The following TERT variants were observed in gnomAD, a reference collection of about 807,000 sequenced individuals.
TERT encodes telomerase reverse transcriptase.
TERT carries 42 observed loss-of-function variants against 104.0 expected under a neutral mutation model. That is an observed-to-expected ratio of 0.40 (90% CI 0.32 to 0.52). The LOEUF (loss-of-function observed/expected upper bound fraction) is 0.52. TERT is among the 20% of genes least tolerant of loss of function. The pLI is 0.43. For missense variants in TERT, 1,101 were observed against 1,610.3 expected, an observed-to-expected ratio of 0.68 and a Z score of 5.41; for synonymous variants, 781 against 725.6, an observed-to-expected ratio of 1.08 and a Z score of -1.23.
chr5:1,291,941 T>C (rs1751018504), intron 2 of TERT, among the ~76,000 whole-genome samples: 1 of 152,146 alleles, frequency 6.6e-6, no homozygotes, highest in African/African-American at 2.4e-5. Flanking sequence ...CTCGGCGTGG[T>C]CCACCTGAGC....
chr5:1,283,543 C>T (rs1359656085), intron 2 of TERT, among the ~76,000 whole-genome samples: 2 of 150,786 alleles, frequency 1.3e-5, no homozygotes, highest in South Asian at 2.1e-4. Context: ...TCACCCCGGA[C>T]CTGCACCATC....
At chr5:1,281,164 C>T (rs1189222591) in intron 3 of TERT, among the ~76,000 whole-genome samples, 1 of 152,272 alleles carries the variant, frequency 6.6e-6, no homozygotes, top group African/African-American at 2.4e-5. Flanking sequence ...TTCCAAAATA[C>T]TGGTCAAATG....
Position 1,264,368 on chromosome 5 carries a change from C to T in TERT, c.2843+36G>A, listed in dbSNP as rs34458182. 2.4e-4 allele frequency: 382 copies of T among 1,586,758 alleles called. 1 individual carries two copies. The African/African-American group carries it at 3.4e-3, about 14-fold the overall frequency. On this transcript the variant is annotated intron_variant, in intron 11 of 15. Transcript: ENST00000310581. ...GCCCTGCAGCAGCACCTGCCCCAGC[C>T]GGGCACAGGCTCCACTTCCGGCCAG...
rs1751171784 is a variant in TERT, at chr5:1,293,875, G to A, written c.1011C>T (p.Asp337=). The A allele has an allele frequency of 6.5e-7, 1 of 1,544,262 alleles. No individual in the cohort carries two copies. The highest frequency in any genetic ancestry group is 8.7e-7 in the Non-Finnish European group (1 of 1,146,974). The change falls in exon 2 of 16, where the codon GAC becomes GAT. Residue 337 remains aspartate (D), a synonymous_variant. Transcript: ENST00000310581. ...ETKHFLYSSG[D]KEQLRPSFLL... is the part of the protein sequence containing the mutation. Reference sequence around the variant, plus strand: ...GGAAGGAGGGCCGCAGCTGCTCCTTGTCGCCTGAGGAGTAGAGGAAGTGCT... The same window carrying A: ...GGAAGGAGGGCCGCAGCTGCTCCTTATCGCCTGAGGAGTAGAGGAAGTGCT...
In TERT at chr5:1,268,131, T is replaced by C. The variant is rs1748749048; in HGVS notation, c.2582+389A>G. Among the ~76,000 whole-genome samples, 1 of 152,266 alleles carries C rather than the reference T, an allele frequency of 6.6e-6. No individual in the cohort carries two copies. The highest frequency in any genetic ancestry group is 1.5e-5 in the Non-Finnish European group (1 of 68,042). On this transcript the variant is annotated intron_variant, in intron 9 of 15. Coordinates refer to ENST00000310581, the MANE Select transcript of TERT (RefSeq NM_198253.3). This position sits in a 1 kb window ranked among gnomAD's most constrained non-coding sequence, Gnocchi z 5.5. The stretch of plus-strand genomic sequence containing the variant: ...GAAGAGGCGCCCAGTCCAGGCCACC[T>C]GTCGAGGGCCTGCTGGGAGATGTGG...
Position 1,271,131 on chromosome 5 carries a change from C to T in TERT, c.2456G>A (p.Arg819His), listed in dbSNP as rs1343662571. The change falls in exon 8 of 16, where the codon CGC becomes CAC. Residue 819 changes from arginine to histidine, a missense_variant. Around this residue, in one of 5 missense-constraint regions of TERT, gnomAD observed 463 missense variants for 797.5 expected, o/e 0.58. Transcript: ENST00000310581. Reference sequence around the variant, plus strand: ...CCACCTGACTCACTTGCCCCTGATGCGCACGGCGTGGTGGCACATGAAGCG... The same window carrying T: ...CCACCTGACTCACTTGCCCCTGATGTGCACGGCGTGGTGGCACATGAAGCG... The part of the protein sequence containing the change: ...FLRFMCHHAV[R>H]IRGKSYVQCQ... The T allele has an allele frequency of 6.8e-6, 11 of 1,612,910 alleles. No individual in the cohort carries two copies. Among genetic ancestry groups the T allele is most frequent in the African/African-American group, 1.3e-5 (1 of 75,060 alleles).
Position 1,258,634 on chromosome 5 carries a change from G to T in TERT, c.2996C>A (p.Thr999Asn). 1.3e-6 allele frequency: 2 copies of T among 1,571,974 alleles called. No individual in the cohort carries two copies. The highest frequency in any genetic ancestry group is 1.7e-6 in the Non-Finnish European group (2 of 1,157,672). Residue 999 changes from threonine (T) to asparagine (N), a missense_variant, in exon 13 of 16, where the codon ACC (threonine) becomes AAC (asparagine). Transcript: ENST00000310581. ...LQVNSLQTVC[T>N]NIYKILLLQA... The stretch of plus-strand genomic sequence containing the variant: ...CAGCAGGAGGATCTTGTAGATGTTG[G>T]TGCACACCGTCTGGAGGCTGTTCAC...
Position 1,268,175 on chromosome 5 carries a change from C to T in TERT, c.2582+345G>A, listed in dbSNP as rs1212202780. On this transcript the variant is annotated intron_variant, in intron 9 of 15. Transcript: ENST00000310581. This position sits in a 1 kb window ranked among gnomAD's most constrained non-coding sequence, Gnocchi z 5.5. ...GATGTGGGGCCTCAGGCTGCACCAG[C>T]CCCATCTCCCCAAGGACCCTAACGG... Among the ~76,000 whole-genome samples the T allele has an allele frequency of 1.3e-5, 2 of 152,226 alleles. No individual in the cohort carries two copies. The highest frequency in any genetic ancestry group is 4.8e-5 in the African/African-American group (2 of 41,462).
At position 1,287,371 on chromosome 5, in the gene TERT, G is replaced by A. The variant is rs988129950; in HGVS notation, c.1574-4747C>T. 2.4e-4 allele frequency among the ~76,000 whole-genome samples: 36 copies of A among 151,904 alleles called. No homozygotes were observed. The highest frequency in any genetic ancestry group is 3.4e-3 in the Middle Eastern group (1 of 294). On this transcript the variant is annotated intron_variant, in intron 2 of 15. Coordinates refer to ENST00000310581, the MANE Select transcript of TERT (RefSeq NM_198253.3). This position sits in a 1 kb window ranked among gnomAD's most constrained non-coding sequence, Gnocchi z 4.3. ...AAAAATTAGCCAGGTGTAGCGGTGC[G>A]TGTCTGCAGTTCCAGCTATTCAGGA...
chr5:1,267,060 C>T (rs1393206868), intron 9 of TERT, among the ~76,000 whole-genome samples: 4 of 152,240 alleles, frequency 2.6e-5, no homozygotes, highest in African/African-American at 9.6e-5. Flanking sequence ...CAGTGTGCCG[C>T]CAGCTCGAGG....
Position 1,294,019 on chromosome 5 carries a change from G to A in TERT, c.867C>T (p.Leu289=), listed in dbSNP as rs771194908. The A allele has an allele frequency of 1.2e-5, 19 of 1,593,268 alleles. No homozygotes were observed. Among genetic ancestry groups the A allele is most frequent in the Non-Finnish European group, 1.5e-5 (17 of 1,172,258 alleles). ...ATGGGTGGGAGTGGCGCGTGCCAGA[G>A]AGCGCACCCTCCAAAGAGGTGGCTT... is the stretch of plus-strand genomic sequence containing the variant. ...AEEATSLEGA[L]SGTRHSHPSV... Residue 289 remains leucine, a synonymous_variant, in exon 2 of 16, where the codon CTC becomes CTT. Transcript: ENST00000310581.
At chr5:1,272,086 C>T in intron 7 of TERT, 99 bp downstream of exon 7, 2 of 1,060,170 alleles carry the variant, frequency 1.9e-6, no homozygotes, top group Non-Finnish European at 2.9e-6. Context: ...CCACTGCCCC[C>T]CAGGGCCAAC....
In TERT at chr5:1,262,670, C is replaced by G. The variant is rs1267451916; in HGVS notation, c.2843+1734G>C. On this transcript the variant is annotated intron_variant, in intron 11 of 15. Coordinates refer to ENST00000310581, the MANE Select transcript of TERT (RefSeq NM_198253.3). The surrounding 1 kb of genome is among the most constrained non-coding windows in gnomAD (Gnocchi z 5.6). Reference sequence around the variant, plus strand: ...TGGACCCACATCTGATGACCTGATGCCCACCCATCCTGCACTAGCCTCTGT... The same window carrying G: ...TGGACCCACATCTGATGACCTGATGGCCACCCATCCTGCACTAGCCTCTGT... Among the ~76,000 whole-genome samples, 1 of 152,236 alleles carries G rather than the reference C, an allele frequency of 6.6e-6. No individual in the cohort carries two copies. The highest frequency in any genetic ancestry group is 1.5e-5 in the Non-Finnish European group (1 of 68,042).
In TERT at chr5:1,260,458, CCAT is replaced by C; in HGVS notation, c.2970+13_2970+15del. The stretch of plus-strand genomic sequence containing the variant: ...TCCTGAACTCTGAACTCTGTGCTGA[CCAT>C]CAGCCTGCTCACCTGCAAATCCAGA... On this transcript the variant is annotated intron_variant, in intron 12 of 15. Coordinates refer to ENST00000310581, the MANE Select transcript of TERT (RefSeq NM_198253.3). 6.2e-7 allele frequency: 1 copy of C among 1,613,780 alleles called. No homozygotes were observed. The highest frequency in any genetic ancestry group is 8.5e-7 in the Non-Finnish European group (1 of 1,179,922).
Position 1,295,046 on chromosome 5 carries a change from T to G in TERT, c.-57A>C, listed in dbSNP as rs878855297. The G allele has an allele frequency of 3.7e-5, 43 of 1,165,730 alleles. No individual in the cohort carries two copies. Among genetic ancestry groups the G allele is most frequent in the East Asian group, 6.4e-5 (2 of 31,326 alleles). 72.2% of individuals were successfully genotyped at this position (1,165,730 alleles called of 1,614,324 possible). ...GTGCGCAGCAGGACGCAGCGCTGCCTGAAACTCGCGCCGCGAGGAGAGGGC... is the reference window on the plus strand; with the variant it reads ...GTGCGCAGCAGGACGCAGCGCTGCCGGAAACTCGCGCCGCGAGGAGAGGGC... On this transcript the variant is annotated 5_prime_UTR_variant, in exon 1 of 16. Coordinates refer to ENST00000310581, the MANE Select transcript of TERT (RefSeq NM_198253.3).
intron 4 of TERT, 122 bp from the exon 5 acceptor site, chr5:1,279,592 C>T: frequency 3.1e-6 from 3 of 970,348 alleles, no homozygotes; most frequent in South Asian, 2.8e-5. Context: ...GACCCGGGAC[C>T]TAGAACCCCT....
chr5:1,289,326 A>G (rs1219434888), intron 2 of TERT, among the ~76,000 whole-genome samples: 1 of 144,656 alleles, frequency 6.9e-6, no homozygotes, highest in Non-Finnish European at 1.5e-5. Context: ...TGACAGAGAC[A>G]CCCGGGGACA....
rs1747697576 is a variant in TERT, at chr5:1,255,907, G to A, written c.3033-496C>T. Among the ~76,000 whole-genome samples, 1 of 152,014 alleles carries A rather than the reference G, an allele frequency of 6.6e-6. No homozygotes were observed. Among genetic ancestry groups the A allele is most frequent in the African/African-American group, 2.4e-5 (1 of 41,374 alleles). ...AACCCTGGGTCTGGGGTGATGGTGT[G>A]AGGACCCATCATCTCATCTCACTGA... On this transcript the variant is annotated intron_variant, in intron 13 of 15. Coordinates refer to ENST00000310581, the MANE Select transcript of TERT (RefSeq NM_198253.3). This position sits in a 1 kb window ranked among gnomAD's most constrained non-coding sequence, Gnocchi z 6.9.
chr5:1,289,632 C>T (rs1356074863), intron 2 of TERT, among the ~76,000 whole-genome samples: 11 of 95,860 alleles, frequency 1.1e-4, no homozygotes, highest in Admixed American at 2.1e-4. Flanking sequence ...GCGGGGACGG[C>T]GCCTCACTCA....
Sources: gnomAD v4.1 joint callset for allele counts (sites outside exome capture counted in the v4.1 genomes callset) on GRCh38, gnomAD v4.1.1 for gene constraint, gnomAD v4.1.1 regional missense constraint, Gnocchi (gnomAD v3.1) non-coding constraint, MANE v1.5 for transcripts, NCBI Gene and HGNC (gene_info 2026-07-23, HGNC 2026-07-21) for gene names.